Variants in SBF2 observed in about 807,000 individuals in gnomAD.
SBF2 encodes the protein SET binding factor 2, also known as myotubularin-related protein 13.
Under a neutral mutation model 225.2 loss-of-function variants are expected in SBF2, and 112 were observed. The observed-to-expected ratio is 0.50, with a 90% CI of 0.43 to 0.58. The LOEUF (loss-of-function observed/expected upper bound fraction) is 0.58, where lower values mean the gene tolerates loss of function less well. Ranked by LOEUF, SBF2 falls within the 20% of genes least tolerant of loss-of-function variation. SBF2 has a pLI of 0.00. For missense variants in SBF2, 1,996 were observed against 2,206.2 expected, an observed-to-expected ratio of 0.90 and a Z score of 1.91; for synonymous variants, 763 against 773.3, an observed-to-expected ratio of 0.99 and a Z score of 0.22.
At chr11:9,823,267 C>T (rs1854875378) in intron 28 of SBF2, among the ~76,000 whole-genome samples, 1 of 152,078 alleles carries the variant, frequency 6.6e-6, no homozygotes, top group Non-Finnish European at 1.5e-5. Flanking sequence ...AAAAAGGATG[C>T]AGCCCTTGTA....
intron 2 of SBF2, among the ~76,000 whole-genome samples, chr11:10,107,987 A>C (rs532217792): frequency 4.6e-5 from 7 of 152,306 alleles, no homozygotes; most frequent in Non-Finnish European, 1.0e-4. Context: ...AGGCATGAGA[A>C]AACTTCTAAG....
chr11:9,927,572 A>C (rs751590200), intron 16 of SBF2, among the ~76,000 whole-genome samples: 1 of 152,150 alleles, frequency 6.6e-6, no homozygotes, highest in Non-Finnish European at 1.5e-5. Flanking sequence ...ATAAAAAATT[A>C]AATAAAAAAA....
chr11:10,173,092 T>C (rs868177640), intron 2 of SBF2, among the ~76,000 whole-genome samples: 1 of 152,246 alleles, frequency 6.6e-6, no homozygotes, highest in Non-Finnish European at 1.5e-5. Context: ...TCTATTGTGG[T>C]CAGAGAAGAT....
chr11:10,214,233 T>A (rs1258811843), intron 1 of SBF2, among the ~76,000 whole-genome samples: 1 of 152,088 alleles, frequency 6.6e-6, no homozygotes, highest in Non-Finnish European at 1.5e-5. Context: ...CCAGTTCTGA[T>A]AACTAAAAAA....
rs1036489386 is a variant in SBF2, at chr11:10,231,374, G to GT, written c.56-37388_56-37387insA. On this transcript the variant is annotated intron_variant, in intron 1 of 39. Transcript: ENST00000256190. ...GAGGAGCTGCGTTCCTTTGGAGGAGGAGAAGCGCTCTGATTTTTAGAGTCT... is the reference window on the plus strand; with the variant it reads ...GAGGAGCTGCGTTCCTTTGGAGGAGGTAGAAGCGCTCTGATTTTTAGAGTCT... 3.9e-4 allele frequency among the ~76,000 whole-genome samples: 60 copies of GT among 152,300 alleles called. 1 individual carries two copies. Among genetic ancestry groups the GT allele is most frequent in the African/African-American group, 1.3e-3 (54 of 41,562 alleles).
chr11:9,990,077 C>T (rs910713449), intron 12 of SBF2, among the ~76,000 whole-genome samples: 3 of 152,124 alleles, frequency 2.0e-5, no homozygotes, highest in Non-Finnish European at 4.4e-5. Context: ...GACCCTTAGA[C>T]TCCTTCTAGT....
At chr11:9,855,224 G>C (rs973251691) in intron 19 of SBF2, among the ~76,000 whole-genome samples, 6 of 152,286 alleles carry the variant, frequency 3.9e-5, no homozygotes, top group Admixed American at 3.3e-4. Context: ...CTATATGGGT[G>C]GGGGTAAGAG....
At chr11:9,872,580 G>C (rs1858866148) in intron 17 of SBF2, among the ~76,000 whole-genome samples, 1 of 152,074 alleles carries the variant, frequency 6.6e-6, no homozygotes, top group Non-Finnish European at 1.5e-5. Context: ...TAGTCATTAG[G>C]GAAATGAAAA....
At chr11:9,857,521 A>C (rs1306383617) in intron 18 of SBF2, among the ~76,000 whole-genome samples, 1 of 152,232 alleles carries the variant, frequency 6.6e-6, no homozygotes, top group Non-Finnish European at 1.5e-5. Flanking sequence ...ATAGTTTCTA[A>C]CACTTATTAT....
intron 2 of SBF2, among the ~76,000 whole-genome samples, chr11:10,077,555 A>G (rs1411006628): frequency 6.6e-6 from 1 of 152,262 alleles, no homozygotes; most frequent in African/African-American, 2.4e-5. Context: ...CCTATTTAAT[A>G]AACGGTGTTG....
At chr11:10,296,320 C>T (rs1017978543), upstream of SBF2, among the ~76,000 whole-genome samples, 1 of 152,068 alleles carries the variant, frequency 6.6e-6, no homozygotes, top group Non-Finnish European at 1.5e-5. Context: ...TAAAGACATA[C>T]CCGAGACTAG....
At chr11:9,918,245 G>A (rs1863276969) in intron 16 of SBF2, among the ~76,000 whole-genome samples, 1 of 152,032 alleles carries the variant, frequency 6.6e-6, no homozygotes, top group Non-Finnish European at 1.5e-5. Context: ...ATCCATTTTT[G>A]AGCCTTTGGG....
chr11:10,010,752 T>C (rs377115818), intron 6 of SBF2, among the ~76,000 whole-genome samples: 1 of 152,210 alleles, frequency 6.6e-6, no homozygotes, highest in Non-Finnish European at 1.5e-5. Context: ...AAATTTAAAG[T>C]AGTTTTTTCT....
intron 1 of SBF2, among the ~76,000 whole-genome samples, chr11:10,269,570 C>T (rs1398828451): frequency 6.6e-6 from 1 of 152,196 alleles, no homozygotes; most frequent in African/African-American, 2.4e-5. Flanking sequence ...GTGTACCAGA[C>T]ACTGTTTTAC....
rs1376192694 is a variant in SBF2, at chr11:10,010,926, T to C, written c.620-8237A>G. 3.9e-5 allele frequency among the ~76,000 whole-genome samples: 6 copies of C among 152,304 alleles called. No homozygotes were observed. In the East Asian group the frequency reaches 1.2e-3, roughly 29 times the overall value. ...TCTCCTATGTCCTTGAGCAGTGGTTTGTAGTTCTCCTTGAAGAGGTCCTTC... is the reference window on the plus strand; with the variant it reads ...TCTCCTATGTCCTTGAGCAGTGGTTCGTAGTTCTCCTTGAAGAGGTCCTTC... On this transcript the variant is annotated intron_variant, in intron 6 of 39. Coordinates refer to ENST00000256190, the MANE Select transcript of SBF2 (RefSeq NM_030962.4).
chr11:9,862,140 C>T (rs140920195), intron 17 of SBF2, among the ~76,000 whole-genome samples: 48 of 152,266 alleles, frequency 3.2e-4, no homozygotes, highest in Admixed American at 5.2e-4. Context: ...CTGATATGTG[C>T]GTTAGAAATC....
chr11:10,260,702 CAA>C (rs56816687), intron 1 of SBF2, among the ~76,000 whole-genome samples: 26 of 60,824 alleles, frequency 4.3e-4, no homozygotes, highest in Admixed American at 5.5e-4. Context: ...GATTCCATCT[CAA>C]AAAAAAAAAA....
At chr11:10,070,702 C>T (rs1222058087) in intron 2 of SBF2, among the ~76,000 whole-genome samples, 2 of 152,108 alleles carry the variant, frequency 1.3e-5, no homozygotes, top group Non-Finnish European at 2.9e-5. Flanking sequence ...TGAAGAAAGT[C>T]ATTGGTAGCT....
At chr11:10,004,914 A>G (rs965116042) in intron 6 of SBF2, among the ~76,000 whole-genome samples, 1 of 152,262 alleles carries the variant, frequency 6.6e-6, no homozygotes, top group East Asian at 1.9e-4. Context: ...TCCAGACCCA[A>G]CCAATGTACA....
Sources: gnomAD v4.1 joint callset for allele counts (sites outside exome capture counted in the v4.1 genomes callset) on GRCh38, gnomAD v4.1.1 for gene constraint, MANE v1.5 for transcripts, NCBI Gene and HGNC (gene_info 2026-07-23, HGNC 2026-07-21) for gene names.